Variants in EHMT1 observed in about 807,000 individuals in gnomAD.
EHMT1 encodes the protein euchromatic histone lysine methyltransferase 1.
In EHMT1, 15 loss-of-function variants were observed where a neutral mutation model predicts 147.2. That is an observed-to-expected ratio of 0.10 (90% CI 0.07 to 0.16). The LOEUF (loss-of-function observed/expected upper bound fraction) is 0.16. Among genes scored for constraint, EHMT1 ranks in the 10% least tolerant of loss-of-function variants. EHMT1 has a pLI of 1.00. For missense variants in EHMT1, 1,587 were observed against 1,772.4 expected, an observed-to-expected ratio of 0.90 and a Z score of 1.88; for synonymous variants, 795 against 709.6, an observed-to-expected ratio of 1.12 and a Z score of -1.91.
intron 1 of EHMT1, chr9:137,638,049 T>C (rs971863136): frequency 6.6e-6 from 1 of 152,118 alleles, no homozygotes; most frequent in African/African-American, 2.4e-5. Flanking sequence ...GGGGTCATTT[T>C]TCTCTTTTTC....
At chr9:137,771,837 A>T (rs1302817403) in intron 10 of EHMT1, among the ~76,000 whole-genome samples, 1 of 152,132 alleles carries the variant, frequency 6.6e-6, no homozygotes, top group Non-Finnish European at 1.5e-5. Context: ...AACAGCTGGG[A>T]TGAGTCACAG....
chr9:137,726,222 G>A (rs1430923942), intron 3 of EHMT1, among the ~76,000 whole-genome samples: 4 of 152,152 alleles, frequency 2.6e-5, no homozygotes, highest in African/African-American at 9.7e-5. Context: ...TCCGTCTCTG[G>A]AACCTCTTCA....
intron 25 of EHMT1, chr9:137,834,039 CGCTG>C: frequency 2.1e-6 from 1 of 466,348 alleles, no homozygotes; most frequent in East Asian, 4.1e-5. Context: ...GGTGGGATGG[CGCTG>C]TCCACATTCC....
intron 16 of EHMT1, among the ~76,000 whole-genome samples, chr9:137,792,707 A>C (rs2137147393): frequency 6.6e-6 from 1 of 152,320 alleles, no homozygotes; most frequent in South Asian, 2.1e-4. Context: ...CTCTGTTTCA[A>C]AAAAAAGGAA....
At chr9:137,663,001 C>A (rs1229280568) in intron 1 of EHMT1, among the ~76,000 whole-genome samples, 1 of 151,618 alleles carries the variant, frequency 6.6e-6, no homozygotes, top group Non-Finnish European at 1.5e-5. Context: ...GCCATGTTGG[C>A]CAGGCTGGTC....
At chr9:137,733,276 A>G (rs973738504) in intron 4 of EHMT1, among the ~76,000 whole-genome samples, 1 of 152,218 alleles carries the variant, frequency 6.6e-6, no homozygotes, top group Non-Finnish European at 1.5e-5. Flanking sequence ...CTTTTTACAG[A>G]GTGGACTGGC....
chr9:137,766,737 T>C (rs1252772770), intron 10 of EHMT1, among the ~76,000 whole-genome samples: 2 of 152,252 alleles, frequency 1.3e-5, no homozygotes, highest in African/African-American at 4.8e-5. Context: ...TCTACACTTT[T>C]GCTTTTAGTC....
chr9:137,828,862 C>T lies in EHMT1; in HGVS notation c.3541-5487C>T, dbSNP rs1351061027. On this transcript the variant is annotated intron_variant, in intron 25 of 26. Transcript: ENST00000460843. The surrounding 1 kb of genome is among the most constrained non-coding windows in gnomAD (Gnocchi z 5.3). ...TCAGCACCTTGGAGAGCTGCCGCCT[C>T]TGTGCCTCCCCTCCTGCTTGCTGCG... Among the ~76,000 whole-genome samples, 2 of 152,164 alleles carry T rather than the reference C, an allele frequency of 1.3e-5. No homozygotes were observed. The highest frequency in any genetic ancestry group is 4.8e-5 in the African/African-American group (2 of 41,440).
At chr9:137,660,676 A>G (rs1256412157) in intron 1 of EHMT1, among the ~76,000 whole-genome samples, 3 of 152,220 alleles carry the variant, frequency 2.0e-5, no homozygotes, top group African/African-American at 7.2e-5. Context: ...ATATCTGACT[A>G]TTTGTGAGCA....
chr9:137,763,134 A>G lies in EHMT1; in HGVS notation c.1647+314A>G, dbSNP rs570141785. 5.3e-6 allele frequency: 3 copies of G among 563,438 alleles called. No individual in the cohort carries two copies. In the South Asian group the frequency reaches 6.1e-5, roughly 11 times the overall value. 34.9% of individuals were successfully genotyped at this position (563,438 alleles called of 1,614,324 possible). On this transcript the variant is annotated intron_variant, in intron 10 of 26. Transcript: ENST00000460843. ...CTACCTTGCTATAAACAAAGTGAGT[A>G]GATTGAGGCAGGATAGTCACACCAA...
At chr9:137,781,283 GCTGAGATGTGTGGTGATGACGGCATCA>G (rs1564749169) in intron 14 of EHMT1, among the ~76,000 whole-genome samples, 9 of 132,488 alleles carry the variant, frequency 6.8e-5, no homozygotes, top group Non-Finnish European at 1.4e-4. Flanking sequence ...TGGTGATGAC[GCTGAGATGTGTGGTGATGACGGCATCA>G]CTGAGATGTG....
At chr9:137,720,680 C>T (rs1945859143) in intron 3 of EHMT1, among the ~76,000 whole-genome samples, 2 of 152,176 alleles carry the variant, frequency 1.3e-5, no homozygotes, top group Admixed American at 6.5e-5. Flanking sequence ...GCATAGTTCT[C>T]TTAAGATCAT....
At chr9:137,833,623 T>C (rs1327605231) in intron 25 of EHMT1, among the ~76,000 whole-genome samples, 1 of 152,184 alleles carries the variant, frequency 6.6e-6, no homozygotes, top group Non-Finnish European at 1.5e-5. Flanking sequence ...CGTCCCCCTC[T>C]CTATGGTCAA....
rs187852049 is a variant in EHMT1, at chr9:137,755,322, T to C, written c.1369+1031T>C. On this transcript the variant is annotated intron_variant, in intron 8 of 26. Coordinates refer to ENST00000460843, the MANE Select transcript of EHMT1 (RefSeq NM_024757.5). ...TTGGTTAGTGTTCTGTAGAATTTTA[T>C]ATAGATGGAACTGTGTGGTTGTTTT... is the stretch of plus-strand genomic sequence containing the variant. 2.2e-4 allele frequency among the ~76,000 whole-genome samples: 34 copies of C among 152,288 alleles called. No homozygotes were observed. In the East Asian group the frequency reaches 3.7e-3, roughly 16 times the overall value.
chr9:137,759,976 T>C (rs1949679680), intron 9 of EHMT1, among the ~76,000 whole-genome samples: 1 of 152,158 alleles, frequency 6.6e-6, no homozygotes, highest in Admixed American at 6.5e-5. Context: ...AATATGAAGA[T>C]GAGAAGTCCT....
intron 8 of EHMT1, among the ~76,000 whole-genome samples, chr9:137,757,109 C>A (rs1201750918): frequency 1.3e-5 from 2 of 152,236 alleles, no homozygotes; most frequent in Non-Finnish European, 2.9e-5. Flanking sequence ...CAGTGAATGC[C>A]CTTGTGATTA....
At chr9:137,642,337 C>T (rs551643444) in intron 1 of EHMT1, among the ~76,000 whole-genome samples, 41 of 152,106 alleles carry the variant, frequency 2.7e-4, no homozygotes, top group Admixed American at 3.3e-4. Flanking sequence ...CTATGTTGCC[C>T]AGGCTGGAGC....
intron 1 of EHMT1, chr9:137,697,143 T>C (rs1011418591): frequency 5.2e-6 from 2 of 386,502 alleles, no homozygotes; most frequent in Non-Finnish European, 1.1e-5. Context: ...TAGCTGGGCA[T>C]GTTGGCATGC....
chr9:137,805,335 G>A (rs1239428768), intron 18 of EHMT1, among the ~76,000 whole-genome samples: 1 of 151,946 alleles, frequency 6.6e-6, no homozygotes, highest in Non-Finnish European at 1.5e-5. Flanking sequence ...GTATGAGTTG[G>A]TCATCCATGT....
Sources: allele counts gnomAD v4.1 joint callset (sites outside exome capture counted in the v4.1 genomes callset), GRCh38; gene constraint gnomAD v4.1.1; non-coding constraint Gnocchi (gnomAD v3.1); transcripts MANE v1.5; gene names NCBI Gene and HGNC (gene_info 2026-07-23, HGNC 2026-07-21).